Variants in GRID1 observed in about 807,000 individuals in gnomAD.
The protein encoded by GRID1 is glutamate ionotropic receptor delta type subunit 1.
GRID1 carries 28 observed loss-of-function variants against 98.0 expected under a neutral mutation model. That is an observed-to-expected ratio of 0.29 (90% CI 0.21 to 0.39). The LOEUF (loss-of-function observed/expected upper bound fraction) is 0.39. Among genes scored for constraint, GRID1 ranks in the 10% least tolerant of loss-of-function variants. GRID1 has a pLI of 1.00. For missense variants in GRID1, 1,111 were observed against 1,340.5 expected (o/e 0.83, Z 2.67); for synonymous variants, 553 against 538.5 (o/e 1.03, Z -0.37).
chr10:85,871,973 C>T (rs1724037962), intron 5 of GRID1, among the ~76,000 whole-genome samples: 1 of 152,078 alleles, frequency 6.6e-6, no homozygotes, highest in African/African-American at 2.4e-5. Context: ...AGATTGGAAC[C>T]GACAGACAGT....
At chr10:86,016,992 C>G (rs1433416620) in intron 4 of GRID1, among the ~76,000 whole-genome samples, 1 of 152,168 alleles carries the variant, frequency 6.6e-6, no homozygotes, top group Non-Finnish European at 1.5e-5. Flanking sequence ...CTGTTGTGTG[C>G]CAATCATCTG....
At chr10:85,982,112 G>A (rs562585148) in intron 4 of GRID1, among the ~76,000 whole-genome samples, 2 of 151,898 alleles carry the variant, frequency 1.3e-5, no homozygotes, top group Non-Finnish European at 2.9e-5. Flanking sequence ...GTGAGTCTGG[G>A]GAATGAAGTT....
chr10:86,238,743 C>T (rs375088861), intron 2 of GRID1, among the ~76,000 whole-genome samples: 1 of 151,380 alleles, frequency 6.6e-6, no homozygotes, highest in Non-Finnish European at 1.5e-5. Context: ...AAGCCATAAG[C>T]CTTGCTGGCT....
chr10:85,690,414 T>G (rs1178083582), intron 12 of GRID1, among the ~76,000 whole-genome samples: 1 of 152,202 alleles, frequency 6.6e-6, no homozygotes, highest in Admixed American at 6.5e-5. Flanking sequence ...AACCCAAATA[T>G]ATTTTATTAA....
intron 2 of GRID1, among the ~76,000 whole-genome samples, chr10:86,270,987 G>A (rs1847176912): frequency 6.6e-6 from 1 of 152,166 alleles, no homozygotes; most frequent in Non-Finnish European, 1.5e-5. Flanking sequence ...GGAGCTCAGA[G>A]TCTAGAGACA....
intron 4 of GRID1, among the ~76,000 whole-genome samples, chr10:86,103,598 C>G (rs1844332738): frequency 6.6e-6 from 1 of 152,228 alleles, no homozygotes; most frequent in Non-Finnish European, 1.5e-5. Flanking sequence ...AAGAGGACTC[C>G]CGATGCTGCT....
At chr10:86,291,748 T>C (rs893942970) in intron 2 of GRID1, among the ~76,000 whole-genome samples, 4 of 152,182 alleles carry the variant, frequency 2.6e-5, no homozygotes, top group African/African-American at 9.6e-5. Context: ...TCAGCTCATC[T>C]CCAAGGCTGA....
chr10:85,791,310 A>G (rs932055025), intron 8 of GRID1, among the ~76,000 whole-genome samples: 2 of 152,250 alleles, frequency 1.3e-5, no homozygotes, highest in East Asian at 1.9e-4. Flanking sequence ...CAGGACCTGA[A>G]GGCAGAGGCC....
intron 13 of GRID1, among the ~76,000 whole-genome samples, chr10:85,627,673 G>A (rs906853907): frequency 1.3e-5 from 2 of 152,166 alleles, no homozygotes; most frequent in Non-Finnish European, 2.9e-5. Context: ...GCACAGTGCA[G>A]CAGAAAAAGC....
At chr10:85,823,080 C>A (rs1163950306) in intron 8 of GRID1, among the ~76,000 whole-genome samples, 1 of 152,028 alleles carries the variant, frequency 6.6e-6, no homozygotes, top group Non-Finnish European at 1.5e-5. Flanking sequence ...GGAGATATAC[C>A]TAATGTAAAT....
intron 4 of GRID1, among the ~76,000 whole-genome samples, chr10:85,917,937 T>C (rs1367521503): frequency 1.3e-5 from 2 of 152,172 alleles, no homozygotes; most frequent in Non-Finnish European, 2.9e-5. Flanking sequence ...AGCCACCCCA[T>C]CCAGAGCCTC....
intron 2 of GRID1, among the ~76,000 whole-genome samples, chr10:86,238,404 G>A (rs1846574029): frequency 1.3e-5 from 2 of 152,214 alleles, no homozygotes; most frequent in African/African-American, 4.8e-5. Flanking sequence ...GCTCATGCCT[G>A]TAATCTCAGC....
Position 85,668,461 on chromosome 10 carries a change from T to A in GRID1, c.1998-21064A>T, listed in dbSNP as rs149662297. Among the ~76,000 whole-genome samples, 370 of 152,310 alleles carry A rather than the reference T, an allele frequency of 2.4e-3. 2 individuals carry two copies. Among genetic ancestry groups the A allele is most frequent in the Middle Eastern group, 0.014 (4 of 294 alleles). On this transcript the variant is annotated intron_variant, in intron 12 of 15. Coordinates refer to ENST00000327946, the MANE Select transcript of GRID1 (RefSeq NM_017551.3). ...ATCAAATTTGTCCTGCTTTTCTTAG[T>A]GTGTGGAGCCAAGAGAAGCCACTTC...
chr10:86,127,264 T>A (rs944574128), intron 4 of GRID1, among the ~76,000 whole-genome samples: 2 of 152,188 alleles, frequency 1.3e-5, no homozygotes, highest in Non-Finnish European at 2.9e-5. Flanking sequence ...GCACCCAGTG[T>A]AAGAGGTCCA....
intron 8 of GRID1, among the ~76,000 whole-genome samples, chr10:85,795,674 C>A (rs1363414476): frequency 6.6e-6 from 1 of 152,156 alleles, no homozygotes; most frequent in African/African-American, 2.4e-5. Context: ...AGAAAGGAGA[C>A]AGGCAACGGC....
At chr10:85,754,334 C>A (rs1039912829) in intron 8 of GRID1, among the ~76,000 whole-genome samples, 1 of 152,106 alleles carries the variant, frequency 6.6e-6, no homozygotes, top group Non-Finnish European at 1.5e-5. Flanking sequence ...AGGCACAGGT[C>A]ACAGAAATGA....
chr10:86,019,928 G>A (rs1843028166), intron 4 of GRID1, among the ~76,000 whole-genome samples: 2 of 152,240 alleles, frequency 1.3e-5, no homozygotes, highest in African/African-American at 4.8e-5. Context: ...TGATTGCAGA[G>A]GGAAATATGG....
At chr10:85,967,373 C>T (rs1842351113) in intron 4 of GRID1, among the ~76,000 whole-genome samples, 1 of 152,058 alleles carries the variant, frequency 6.6e-6, no homozygotes, top group Admixed American at 6.5e-5. Flanking sequence ...AGAAAAGCAA[C>T]AAACCCAGGA....
chr10:85,957,685 G>A (rs1218713331), intron 4 of GRID1, among the ~76,000 whole-genome samples: 1 of 152,194 alleles, frequency 6.6e-6, no homozygotes, highest in Non-Finnish European at 1.5e-5. Context: ...CTGAATCCCA[G>A]ACAGGATTGG....
Sources: gnomAD v4.1 joint callset for allele counts (sites outside exome capture counted in the v4.1 genomes callset) on GRCh38, gnomAD v4.1.1 for gene constraint, MANE v1.5 for transcripts, NCBI Gene and HGNC (gene_info 2026-07-23, HGNC 2026-07-21) for gene names.